CDH18: variants seen among roughly 807,000 people sequenced by gnomAD.
The protein encoded by CDH18 is cadherin-18.
CDH18 carries 31 observed loss-of-function variants against 67.9 expected under a neutral mutation model. The observed-to-expected ratio is 0.46, with a 90% CI of 0.34 to 0.62. CDH18 has a LOEUF of 0.62. Ranked by LOEUF, CDH18 falls within the 20% of genes least tolerant of loss-of-function variation. The pLI is 0.01. For missense variants in CDH18, 890 were observed against 975.5 expected, an observed-to-expected ratio of 0.91 and a Z score of 1.17; for synonymous variants, 362 against 347.2, an observed-to-expected ratio of 1.04 and a Z score of -0.48.
chr5:19,921,093 C>T (rs1792391006), intron 2 of CDH18, among the ~76,000 whole-genome samples: 1 of 151,952 alleles, frequency 6.6e-6, no homozygotes, highest in Non-Finnish European at 1.5e-5. Flanking sequence ...GACCAAAAAG[C>T]TAGACACAAA....
At chr5:19,844,280 G>C (rs1782675898) in intron 2 of CDH18, among the ~76,000 whole-genome samples, 1 of 152,220 alleles carries the variant, frequency 6.6e-6, no homozygotes, top group Admixed American at 6.5e-5. Flanking sequence ...CCCCATTTTG[G>C]GGGAGGGACC....
intron 1 of CDH18, among the ~76,000 whole-genome samples, chr5:20,350,924 A>C (rs1209305248): frequency 6.6e-6 from 1 of 152,078 alleles, no homozygotes; most frequent in Non-Finnish European, 1.5e-5. Context: ...GGTAGAAAAT[A>C]GGCTAATTCA....
chr5:20,058,352 A>G (rs775554176), intron 2 of CDH18, among the ~76,000 whole-genome samples: 1 of 152,148 alleles, frequency 6.6e-6, no homozygotes, highest in Middle Eastern at 3.2e-3. Flanking sequence ...TATTCAATAA[A>G]TGATGAATTT....
intron 1 of CDH18, among the ~76,000 whole-genome samples, chr5:20,344,598 G>T (rs9292924): frequency 6.6e-6 from 1 of 151,756 alleles, no homozygotes; most frequent in African/African-American, 2.4e-5. Flanking sequence ...ATACCATACC[G>T]TCTTCACTGT....
intron 2 of CDH18, among the ~76,000 whole-genome samples, chr5:20,049,851 T>G (rs926961523): frequency 6.6e-6 from 1 of 151,742 alleles, no homozygotes; most frequent in Non-Finnish European, 1.5e-5. Flanking sequence ...GAAGCCAGAA[T>G]GAGTAACATG....
chr5:20,160,206 A>G (rs974438052), intron 2 of CDH18, among the ~76,000 whole-genome samples: 1 of 152,238 alleles, frequency 6.6e-6, no homozygotes, highest in African/African-American at 2.4e-5. Context: ...GGCTATTTCT[A>G]TAAAAATGAC....
intron 5 of CDH18, among the ~76,000 whole-genome samples, chr5:19,702,148 CTT>C (rs70950086): frequency 2.6e-5 from 3 of 114,882 alleles, no homozygotes; most frequent in Non-Finnish European, 5.0e-5. Flanking sequence ...CTTTCTCTCT[CTT>C]TTTTTTTTTT....
intron 2 of CDH18, among the ~76,000 whole-genome samples, chr5:19,934,634 C>T (rs1183741220): frequency 6.6e-6 from 1 of 151,430 alleles, no homozygotes; most frequent in Non-Finnish European, 1.5e-5. Flanking sequence ...TGAGAATATG[C>T]ACTAGGGGCT....
intron 1 of CDH18, among the ~76,000 whole-genome samples, chr5:20,273,048 C>T (rs1176265048): frequency 6.6e-6 from 1 of 151,968 alleles, no homozygotes; most frequent in Non-Finnish European, 1.5e-5. Flanking sequence ...TAGGATTGTG[C>T]AAAAGTACAT....
chr5:20,261,315 A>G (rs1213858120), intron 1 of CDH18, among the ~76,000 whole-genome samples: 1 of 152,242 alleles, frequency 6.6e-6, no homozygotes, highest in Non-Finnish European at 1.5e-5. Context: ...AGGAGTTTGA[A>G]AAATAGAGCA....
chr5:20,421,040 A>G (rs752175550), intron 1 of CDH18, among the ~76,000 whole-genome samples: 27 of 151,248 alleles, frequency 1.8e-4, no homozygotes, highest in Non-Finnish European at 3.5e-4. Flanking sequence ...GCCAGCAAGT[A>G]ACAGTATGAT....
At chr5:19,819,688 G>A (rs2149938247) in intron 3 of CDH18, among the ~76,000 whole-genome samples, 1 of 152,222 alleles carries the variant, frequency 6.6e-6, no homozygotes, top group African/African-American at 2.4e-5. Flanking sequence ...CTTGCACAGA[G>A]CCCAAAAGGT....
chr5:19,747,750 A>C (rs1770216842), intron 3 of CDH18, among the ~76,000 whole-genome samples: 2 of 14,790 alleles, frequency 1.4e-4, no homozygotes, highest in Admixed American at 1.4e-3. Context: ...TCATGTGTTT[A>C]ATAATTTGAA....
intron 1 of CDH18, among the ~76,000 whole-genome samples, chr5:20,542,613 C>A (rs1176326225): frequency 6.6e-6 from 1 of 151,688 alleles, no homozygotes; most frequent in African/African-American, 2.4e-5. Context: ...ATTTTTAATG[C>A]AACTAGATTT....
At chr5:20,095,333 A>C (rs1292658949) in intron 2 of CDH18, among the ~76,000 whole-genome samples, 3 of 145,198 alleles carry the variant, frequency 2.1e-5, no homozygotes, top group African/African-American at 7.7e-5. Flanking sequence ...GAAAGAAAGA[A>C]AGAAAGAAAG....
rs138932016 is a variant in CDH18 at position 20,330,335 on chromosome 5, G to T, written c.-579-74830C>A. 1.3e-3 allele frequency among the ~76,000 whole-genome samples: 197 copies of T among 152,204 alleles called. 1 individual carries two copies. The highest frequency in any genetic ancestry group is 4.5e-3 in the African/African-American group (185 of 41,520). The stretch of plus-strand genomic sequence containing the variant: ...TAGGTAGCTAGTTAGACATGAGCAG[G>T]ACAAGAGAGGGACCCCTGCCACCAG... On this transcript the variant is annotated intron_variant, in intron 1 of 14. Transcript: ENST00000507958.
chr5:20,500,409 A>G (rs914607810), intron 1 of CDH18, among the ~76,000 whole-genome samples: 6 of 152,286 alleles, frequency 3.9e-5, no homozygotes, highest in Non-Finnish European at 8.8e-5. Context: ...TCTAATATTT[A>G]ATATACCAAA....
rs76007517 is a variant in CDH18 at position 20,035,015 on chromosome 5, C to A, written c.-517-43001G>T. The stretch of plus-strand genomic sequence containing the variant: ...CTGGTTGCTTTCACATAAAACCTTT[C>A]AAATCCATTATATGATTGGCCATAG... On this transcript the variant is annotated intron_variant, in intron 2 of 14. Transcript: ENST00000507958. Among the ~76,000 whole-genome samples the A allele has an allele frequency of 0.022, 3,371 of 152,114 alleles. 181 individuals are homozygous for A. The East Asian group carries it at 0.25, about 11-fold the overall frequency.
intron 2 of CDH18, among the ~76,000 whole-genome samples, chr5:19,919,693 A>C (rs1792220780): frequency 6.6e-6 from 1 of 152,228 alleles, no homozygotes; most frequent in Non-Finnish European, 1.5e-5. Flanking sequence ...TACAGATATC[A>C]ACTTATTTGA....
Sources: gnomAD v4.1 joint callset for allele counts (sites outside exome capture counted in the v4.1 genomes callset) on GRCh38, gnomAD v4.1.1 for gene constraint, MANE v1.5 for transcripts, NCBI Gene and HGNC (gene_info 2026-07-23, HGNC 2026-07-21) for gene names.